PCDHGA4: variants seen among roughly 807,000 people sequenced by gnomAD.
PCDHGA4 encodes protocadherin gamma subfamily A, 4, also known as protocadherin gamma-A4.
In PCDHGA4, 38 loss-of-function variants were observed where a neutral mutation model predicts 54.6. The ratio of observed to expected loss-of-function variants is 0.70; its 90% CI spans 0.54 to 0.91. The LOEUF is 0.91. Among genes scored for constraint, PCDHGA4 ranks in the 40% least tolerant of loss-of-function variants. The pLI is 0.00. For missense variants in PCDHGA4, 1,298 were observed against 1,220.9 expected, an observed-to-expected ratio of 1.06 and a Z score of -0.94; for synonymous variants, 511 against 512.9, an observed-to-expected ratio of 1.00 and a Z score of 0.05.
At chr5:141,506,566 T>C (rs909998933) in intron 3 of PCDHGA4, among the ~76,000 whole-genome samples, 33 of 152,022 alleles carry the variant, frequency 2.2e-4, no homozygotes, top group Non-Finnish European at 2.9e-5. Flanking sequence ...ACCCCCTCGG[T>C]TTCACTTACT....
chr5:141,511,419 G>A lies in PCDHGA4; in HGVS notation c.*246G>A, dbSNP rs1437533706. On this transcript the variant is annotated 3_prime_UTR_variant, in exon 4 of 4. Coordinates refer to ENST00000571252, the MANE Select transcript of PCDHGA4 (RefSeq NM_018917.4). Reference sequence around the variant, plus strand: ...ATCCAATCAACTGCTGTACCCATGGGGGTAGTGGGGTTACTGTAGACACCA... The same window carrying A: ...ATCCAATCAACTGCTGTACCCATGGAGGTAGTGGGGTTACTGTAGACACCA... 1.2e-6 allele frequency: 1 copy of A among 830,454 alleles called. No individual in the cohort carries two copies. The highest frequency in any genetic ancestry group is 1.7e-5 in the African/African-American group (1 of 58,076). 51.4% of individuals were successfully genotyped at this position (830,454 alleles called of 1,614,324 possible).
rs752011641 is a variant in PCDHGA4 at position 141,490,299 on chromosome 5, C to T, written c.2515-4508C>T. 1.2e-6 allele frequency: 2 copies of T among 1,614,068 alleles called. No homozygotes were observed. Among genetic ancestry groups the T allele is most frequent in the East Asian group, 2.2e-5 (1 of 44,896 alleles). Reference sequence around the variant, plus strand: ...ACAATGCCCCAGAGGTGCTATTGGCCTCTTTGGCCAACCCTGTCCTAGAGA... The same window carrying T: ...ACAATGCCCCAGAGGTGCTATTGGCTTCTTTGGCCAACCCTGTCCTAGAGA... On this transcript the variant is annotated intron_variant, in intron 1 of 3. Coordinates refer to ENST00000571252, the MANE Select transcript of PCDHGA4 (RefSeq NM_018917.4). The surrounding 1 kb of genome is among the most constrained non-coding windows in gnomAD (Gnocchi z 5.4).
chr5:141,394,263 A>T, intron 1 of PCDHGA4: 1 of 1,613,884 alleles, frequency 6.2e-7, no homozygotes, highest in Non-Finnish European at 8.5e-7. Flanking sequence ...CAGCCAGGAG[A>T]ATGCCCAGGT....
At chr5:141,502,914 T>G (rs78646636) in intron 2 of PCDHGA4, among the ~76,000 whole-genome samples, 4,865 of 139,540 alleles carry the variant, frequency 0.035, 119 homozygotes, top group South Asian at 0.075. Flanking sequence ...CAGGCTGGAG[T>G]GCAGTGGCAA....
Position 141,432,484 on chromosome 5 carries a change from G to A in PCDHGA4, c.2515-62323G>A, listed in dbSNP as rs1164877592. On this transcript the variant is annotated intron_variant, in intron 1 of 3. Transcript: ENST00000571252. The surrounding 1 kb of genome is among the most constrained non-coding windows in gnomAD (Gnocchi z 6.0). ...TCCCCACGGACGGTTCCACTGGCGTGGAGCTGGCTCCCCGCTCCGCAGAGC... is the reference window on the plus strand; with the variant it reads ...TCCCCACGGACGGTTCCACTGGCGTAGAGCTGGCTCCCCGCTCCGCAGAGC... 8.7e-6 allele frequency: 14 copies of A among 1,614,196 alleles called. No individual in the cohort carries two copies. Among genetic ancestry groups the A allele is most frequent in the Non-Finnish European group, 1.2e-5 (14 of 1,180,046 alleles).
chr5:141,414,659 T>C lies in PCDHGA4; in HGVS notation c.2514+57038T>C, dbSNP rs566999623. On this transcript the variant is annotated intron_variant, in intron 1 of 3. Coordinates refer to ENST00000571252, the MANE Select transcript of PCDHGA4 (RefSeq NM_018917.4). ...GAGAATGCCCAGATTATTTACTCCC[T>C]GGCTGAAGACACCATCCAGGGGGTA... 21 of 1,614,010 alleles carry C rather than the reference T, an allele frequency of 1.3e-5. No homozygotes were observed. In the South Asian group the frequency reaches 2.2e-4, roughly 17 times the overall value.
chr5:141,399,619 G>C (rs749025661), intron 1 of PCDHGA4: 1 of 1,613,902 alleles, frequency 6.2e-7, no homozygotes, highest in Non-Finnish European at 8.5e-7. Context: ...TCTGGCACTG[G>C]CCTCTTACGT....
chr5:141,457,899 C>CA (rs2098931976), intron 1 of PCDHGA4, among the ~76,000 whole-genome samples: 1 of 148,818 alleles, frequency 6.7e-6, no homozygotes, highest in Admixed American at 6.7e-5. Context: ...ACTGTGTAGA[C>CA]AAGGTGTGAG....
rs762687404 is a variant in PCDHGA4 at position 141,486,468 on chromosome 5, A to G, written c.2515-8339A>G. Reference sequence around the variant, plus strand: ...ATGGTCACTGCTTCTGATGCTGGGAACCCTCCTCTCAGTACCCACAGAACT... The same window carrying G: ...ATGGTCACTGCTTCTGATGCTGGGAGCCCTCCTCTCAGTACCCACAGAACT... On this transcript the variant is annotated intron_variant, in intron 1 of 3. Transcript: ENST00000571252. This position sits in a 1 kb window ranked among gnomAD's most constrained non-coding sequence, Gnocchi z 5.0. The G allele has an allele frequency of 1.2e-6, 2 of 1,612,906 alleles. No individual in the cohort carries two copies. Among genetic ancestry groups the G allele is most frequent in the Middle Eastern group, 1.6e-4 (1 of 6,062 alleles).
In PCDHGA4 at chr5:141,431,155, C is replaced by T; in HGVS notation, c.2515-63652C>T. On this transcript the variant is annotated intron_variant, in intron 1 of 3. Transcript: ENST00000571252. This position sits in a 1 kb window ranked among gnomAD's most constrained non-coding sequence, Gnocchi z 4.8. ...GGGACATTAACGACAATGCGCCTTA[C>T]TTTCGTGAAAGTGAATTAGAAATAA... is the stretch of plus-strand genomic sequence containing the variant. 6.2e-7 allele frequency: 1 copy of T among 1,614,212 alleles called. No homozygotes were observed. Among genetic ancestry groups the T allele is most frequent in the Non-Finnish European group, 8.5e-7 (1 of 1,180,032 alleles).
chr5:141,462,007 G>C (rs2099028604), intron 1 of PCDHGA4, among the ~76,000 whole-genome samples: 1 of 152,188 alleles, frequency 6.6e-6, no homozygotes, highest in South Asian at 2.1e-4. Context: ...ATTTTTAATA[G>C]AGACGGGGTT....
intron 1 of PCDHGA4, chr5:141,390,317 C>T: frequency 1.2e-6 from 2 of 1,610,390 alleles, no homozygotes; most frequent in Non-Finnish European, 1.7e-6. Context: ...ATGCTCATTG[C>T]CTACCCATTT....
chr5:141,504,541 C>G (rs1050153403), intron 2 of PCDHGA4, among the ~76,000 whole-genome samples: 2 of 151,728 alleles, frequency 1.3e-5, no homozygotes, highest in Non-Finnish European at 2.9e-5. Context: ...GTCATCATGG[C>G]AAATGTTGGG....
At chr5:141,385,495 T>C (rs1781231622) in intron 1 of PCDHGA4, 3 of 1,391,864 alleles carry the variant, frequency 2.2e-6, no homozygotes, top group African/African-American at 2.9e-5. Flanking sequence ...ACATAGGATA[T>C]AGTATTTCTT....
intron 1 of PCDHGA4, chr5:141,441,678 G>A (rs952726158): frequency 3.4e-6 from 1 of 292,424 alleles, no homozygotes; most frequent in Non-Finnish European, 6.7e-6. Flanking sequence ...GTGCGCCTTC[G>A]ACCAAGAGCA....
chr5:141,428,358 G>T, intron 1 of PCDHGA4: 1 of 565,492 alleles, frequency 1.8e-6, no homozygotes, highest in Non-Finnish European at 3.2e-6. Flanking sequence ...TGATTTTGGC[G>T]GTCGCCTTGC....
rs760790964 is a variant in PCDHGA4, at chr5:141,374,159, G to T, written c.2514+16538G>T. The T allele has an allele frequency of 2.7e-5, 44 of 1,612,170 alleles. No homozygotes were observed. Among genetic ancestry groups the T allele is most frequent in the Non-Finnish European group, 3.4e-5 (40 of 1,179,004 alleles). ...CACGCTCCTGGGGACGCTGTGGGGG[G>T]CCGCGGCAGCGCAGATCCGCTACTC... On this transcript the variant is annotated intron_variant, in intron 1 of 3. Transcript: ENST00000571252.
chr5:141,493,140 C>T lies in PCDHGA4; in HGVS notation c.2515-1667C>T, dbSNP rs2099746336. Among the ~76,000 whole-genome samples, 1 of 146,374 alleles carries T rather than the reference C, an allele frequency of 6.8e-6. No homozygotes were observed. Among genetic ancestry groups the T allele is most frequent in the African/African-American group, 2.5e-5 (1 of 40,746 alleles). ...GCTCCTAGGACTGTATTTTGAAACACCCCCAGGTGATTTTGATAGCTGATT... is the reference window on the plus strand; with the variant it reads ...GCTCCTAGGACTGTATTTTGAAACATCCCCAGGTGATTTTGATAGCTGATT... On this transcript the variant is annotated intron_variant, in intron 1 of 3. Transcript: ENST00000571252. This position sits in a 1 kb window ranked among gnomAD's most constrained non-coding sequence, Gnocchi z 4.3.
intron 1 of PCDHGA4, chr5:141,410,836 ATT>A (rs371761731): frequency 1.6e-5 from 4 of 254,870 alleles, no homozygotes; most frequent in African/African-American, 1.4e-4. Flanking sequence ...GACTGAAGAT[ATT>A]TTGTCTTTGT....
Sources: allele counts gnomAD v4.1 joint callset (sites outside exome capture counted in the v4.1 genomes callset), GRCh38; gene constraint gnomAD v4.1.1; non-coding constraint Gnocchi (gnomAD v3.1); transcripts MANE v1.5; gene names NCBI Gene and HGNC (gene_info 2026-07-23, HGNC 2026-07-21).